Variants in UBR3 observed in about 807,000 individuals in gnomAD.
UBR3 encodes ubiquitin protein ligase E3 component n-recognin 3.
UBR3 carries 85 observed loss-of-function variants against 243.2 expected under a neutral mutation model. That is an observed-to-expected ratio of 0.35 (90% CI 0.29 to 0.42). The LOEUF (loss-of-function observed/expected upper bound fraction) is 0.42. Ranked by LOEUF, UBR3 falls within the 10% of genes least tolerant of loss-of-function variation. UBR3 has a pLI of 1.00. For missense variants in UBR3, 1,686 were observed against 2,300.8 expected, an observed-to-expected ratio of 0.73 and a Z score of 5.47; for synonymous variants, 748 against 799.8, an observed-to-expected ratio of 0.94 and a Z score of 1.09.
chr2:170,004,111 T>C (rs1297548457), intron 27 of UBR3, among the ~76,000 whole-genome samples: 2 of 152,194 alleles, frequency 1.3e-5, no homozygotes, highest in African/African-American at 4.8e-5. Context: ...AGCAGAAATA[T>C]AAAATGTCCA....
At chr2:169,929,173 CAA>C (rs1259147904) in intron 18 of UBR3, among the ~76,000 whole-genome samples, 5 of 152,056 alleles carry the variant, frequency 3.3e-5, no homozygotes, top group African/African-American at 7.2e-5. Flanking sequence ...AACTATAAAA[CAA>C]AATGTATATT....
intron 11 of UBR3, among the ~76,000 whole-genome samples, chr2:169,921,167 G>A (rs190803278): frequency 7.6e-4 from 116 of 152,278 alleles, no homozygotes; most frequent in African/African-American, 2.6e-3. Flanking sequence ...TATTGAGGAG[G>A]ATTGAGTTTT....
intron 24 of UBR3, among the ~76,000 whole-genome samples, chr2:169,973,622 A>C (rs990167412): frequency 6.6e-6 from 1 of 152,214 alleles, no homozygotes; most frequent in Non-Finnish European, 1.5e-5. Flanking sequence ...AGGATTTTCT[A>C]TATGTAAAGT....
chr2:169,999,947 A>C (rs2089635047), intron 26 of UBR3, among the ~76,000 whole-genome samples: 1 of 152,048 alleles, frequency 6.6e-6, no homozygotes, highest in South Asian at 2.1e-4. Context: ...ACCAACATGG[A>C]GAAACCCTGT....
In UBR3 at chr2:169,949,905, G is replaced by A; in HGVS notation, c.3385G>A (p.Gly1129Arg). ...IQPEIPKYSH[G>R]DGITAVERIL... Reference sequence around the variant, plus strand: ...ACCAGAAATTCCTAAATACAGTCATGGAGATGGTATAACTGCCGTGGAAAG... The same window carrying A: ...ACCAGAAATTCCTAAATACAGTCATAGAGATGGTATAACTGCCGTGGAAAG... Residue 1129 changes from glycine to arginine, a missense_variant, in exon 23 of 39, where the codon GGA becomes AGA. By Grantham distance (125) the Gly-to-Arg change is moderately radical. Transcript: ENST00000272793. 6.2e-7 allele frequency: 1 copy of A among 1,613,198 alleles called. No homozygotes were observed. Among genetic ancestry groups the A allele is most frequent in the Non-Finnish European group, 8.5e-7 (1 of 1,179,544 alleles).
intron 32 of UBR3, among the ~76,000 whole-genome samples, chr2:170,041,623 G>A (rs947165766): frequency 2.6e-5 from 4 of 152,112 alleles, no homozygotes; most frequent in Admixed American, 6.6e-5. Flanking sequence ...TTCACTTGAA[G>A]ACAACATTTA....
In UBR3 at chr2:169,967,228, AT is replaced by A. The variant is rs560597174; in HGVS notation, c.3634+8703del. Among the ~76,000 whole-genome samples the A allele has an allele frequency of 4.4e-3, 624 of 142,346 alleles. 3 individuals are homozygous for A. The highest frequency in any genetic ancestry group is 0.016 in the African/African-American group (605 of 38,392). 93.4% of individuals were successfully genotyped at this position (142,346 alleles called of 152,430 possible). A position where few individuals can be genotyped will look rare whatever the true frequency, so the allele number is the denominator to read the frequency against. The stretch of plus-strand genomic sequence containing the variant: ...CATATTAAAGCAAATTGAGGAGAGT[AT>A]GCCCCCCCCACCCCCCTACAGGGTA... On this transcript the variant is annotated intron_variant, in intron 24 of 38. Transcript: ENST00000272793.
At chr2:169,984,494 C>T (rs965200473) in intron 24 of UBR3, among the ~76,000 whole-genome samples, 3 of 152,124 alleles carry the variant, frequency 2.0e-5, no homozygotes, top group Non-Finnish European at 4.4e-5. Context: ...TGTTCTTTAA[C>T]AATTTACATA....
intron 24 of UBR3, among the ~76,000 whole-genome samples, chr2:169,980,775 TC>T (rs1316572867): frequency 4.0e-5 from 1 of 25,298 alleles, no homozygotes; most frequent in Non-Finnish European, 8.1e-5. Flanking sequence ...CCCTCCCCCC[TC>T]CCCCCGATCT....
intron 31 of UBR3, among the ~76,000 whole-genome samples, chr2:170,033,450 G>A (rs2090733183): frequency 6.6e-6 from 1 of 151,704 alleles, no homozygotes; most frequent in African/African-American, 2.4e-5. Flanking sequence ...TAGCTGTTGA[G>A]GAACGGAGCT....
intron 28 of UBR3, among the ~76,000 whole-genome samples, chr2:170,007,963 T>G (rs1377134927): frequency 2.0e-5 from 3 of 152,188 alleles, no homozygotes; most frequent in Non-Finnish European, 4.4e-5. Context: ...ATTTAATCAC[T>G]TAAAAATATG....
At chr2:169,890,540 G>GT (rs2084295661) in intron 5 of UBR3, among the ~76,000 whole-genome samples, 2 of 76,020 alleles carry the variant, frequency 2.6e-5, no homozygotes, top group East Asian at 7.4e-4. Flanking sequence ...GAGAGAGAGA[G>GT]ATATATATAT....
At chr2:169,962,824 C>G (rs1206458220) in intron 24 of UBR3, among the ~76,000 whole-genome samples, 1 of 151,976 alleles carries the variant, frequency 6.6e-6, no homozygotes, top group South Asian at 2.1e-4. Flanking sequence ...TTTCATGTTG[C>G]TAGTTTTCCT....
intron 1 of UBR3, among the ~76,000 whole-genome samples, chr2:169,831,128 T>TATA (rs1491457428): frequency 1.0e-3 from 38 of 36,396 alleles, no homozygotes; most frequent in South Asian, 7.9e-3. Context: ...TATATATATA[T>TATA]TTTTTTTTTT....
chr2:169,831,153 TTTGAGA>T (rs1490671310), intron 1 of UBR3, among the ~76,000 whole-genome samples: 1 of 106,002 alleles, frequency 9.4e-6, no homozygotes, highest in Non-Finnish European at 1.9e-5. Context: ...TTTTTTTTTT[TTTGAGA>T]GAGAGAGTTT....
intron 21 of UBR3, 186 bp from the exon 22 acceptor site, chr2:169,947,356 T>G (rs773309054): frequency 2.2e-5 from 9 of 404,444 alleles, no homozygotes; most frequent in Non-Finnish European, 3.4e-5. Context: ...ATTGAGATAT[T>G]CCTGCATTTT....
rs2083585659 is a variant in UBR3 at position 169,875,809 on chromosome 2, A to G, written c.704A>G (p.Glu235Gly). 1.3e-6 allele frequency: 2 copies of G among 1,535,904 alleles called. No homozygotes were observed. The highest frequency in any genetic ancestry group is 2.1e-5 in the Admixed American group (1 of 46,944). The change falls in exon 3 of 39, where the codon GAA becomes GGA. Residue 235 changes from glutamate to glycine, a missense_variant. Coordinates refer to ENST00000272793, the MANE Select transcript of UBR3 (RefSeq NM_172070.4). ...CTTTTAGCAGCTGATGGACCATCAG[A>G]AAAGGACCTTAACAAAGTCCTTCAG... is the stretch of plus-strand genomic sequence containing the variant. The part of the protein sequence containing the change: ...YNEPAADGPS[E>G]KDLNKVLQLL...
chr2:169,990,251 G>A (rs1370717224), intron 25 of UBR3, among the ~76,000 whole-genome samples: 1 of 152,086 alleles, frequency 6.6e-6, no homozygotes, highest in African/African-American at 2.4e-5. Context: ...GGGCCTTTAA[G>A]TACATTTATC....
chr2:169,845,079 C>A (rs1269370954), intron 1 of UBR3, among the ~76,000 whole-genome samples: 1 of 152,150 alleles, frequency 6.6e-6, no homozygotes, highest in East Asian at 1.9e-4. Flanking sequence ...TTCAAAATAT[C>A]TTCTATTTTC....
Sources: allele counts gnomAD v4.1 joint callset (sites outside exome capture counted in the v4.1 genomes callset), GRCh38; gene constraint gnomAD v4.1.1; transcripts MANE v1.5; gene names NCBI Gene and HGNC (gene_info 2026-07-23, HGNC 2026-07-21).